TMEM132C: variants seen among roughly 807,000 people sequenced by gnomAD.
The protein encoded by TMEM132C is transmembrane protein 132C, also known as protein phosphatase 1, regulatory subunit 152.
In TMEM132C, 29 loss-of-function variants were observed where a neutral mutation model predicts 61.4. That is an observed-to-expected ratio of 0.47 (90% CI 0.35 to 0.64). The LOEUF (loss-of-function observed/expected upper bound fraction) is 0.64, where lower values mean the gene tolerates loss of function less well. Ranked by LOEUF, TMEM132C falls within the 30% of genes least tolerant of loss-of-function variation. The pLI is 0.00. For synonymous variants in TMEM132C, 656 were observed against 633.1 expected (o/e 1.04, Z -0.54); for missense variants, 1,408 against 1,476.9 (o/e 0.95, Z 0.76).
Position 128,537,159 on chromosome 12 carries a change from C to T in TMEM132C, c.975-6798C>T, listed in dbSNP as rs191983132. ...CAAGGTGGGGTTTTCAGCCCTCTGA[C>T]ATCAAAAGATGAAGCAGAGGACATG... On this transcript the variant is annotated intron_variant, in intron 2 of 8. Transcript: ENST00000435159. Among the ~76,000 whole-genome samples the T allele has an allele frequency of 1.2e-3, 187 of 152,326 alleles. 4 individuals are homozygous for T. Among genetic ancestry groups the T allele is most frequent in the African/African-American group, 4.3e-3 (178 of 41,574 alleles).
At chr12:128,680,172 A>G (rs765042421) in intron 5 of TMEM132C, among the ~76,000 whole-genome samples, 1 of 152,220 alleles carries the variant, frequency 6.6e-6, no homozygotes, top group Non-Finnish European at 1.5e-5. Flanking sequence ...TCAGAGCAAT[A>G]TGACACTGCA....
chr12:128,665,366 AAC>A (rs1437668116), intron 4 of TMEM132C, among the ~76,000 whole-genome samples: 6 of 114,598 alleles, frequency 5.2e-5, no homozygotes, highest in Admixed American at 8.3e-5. Flanking sequence ...CACATACACA[AAC>A]ACAGGTGCAC....
intron 3 of TMEM132C, among the ~76,000 whole-genome samples, chr12:128,548,434 C>T (rs1482328409): frequency 6.6e-6 from 1 of 152,152 alleles, no homozygotes; most frequent in African/African-American, 2.4e-5. Flanking sequence ...TGTATCTGGC[C>T]TCTCCACTTG....
chr12:128,350,403 C>G (rs760126609), intron 1 of TMEM132C, among the ~76,000 whole-genome samples: 3 of 152,014 alleles, frequency 2.0e-5, no homozygotes, highest in Non-Finnish European at 4.4e-5. Context: ...CGGGGCCACC[C>G]CTTAGATGGG....
chr12:128,431,788 C>T (rs545277616), intron 2 of TMEM132C, among the ~76,000 whole-genome samples: 293 of 152,158 alleles, frequency 1.9e-3, no homozygotes, highest in Non-Finnish European at 2.2e-3. Context: ...AACTCCTGAC[C>T]ACAAGTGATT....
chr12:128,569,396 T>C (rs937217643), intron 3 of TMEM132C, among the ~76,000 whole-genome samples: 6 of 152,204 alleles, frequency 3.9e-5, no homozygotes, highest in East Asian at 1.9e-4. Context: ...GTATATTTTT[T>C]ACTCTGCCTT....
Position 128,480,718 on chromosome 12 carries a change from G to A in TMEM132C, c.975-63239G>A, listed in dbSNP as rs558385051. On this transcript the variant is annotated intron_variant, in intron 2 of 8. Transcript: ENST00000435159. ...CAGATTTATCACCCCAATCAGGAGT[G>A]TGACTGTGAGACCTGAACAGCCTCC... Among the ~76,000 whole-genome samples, 10 of 152,132 alleles carry A rather than the reference G, an allele frequency of 6.6e-5. No individual in the cohort carries two copies. In the South Asian group the frequency reaches 2.1e-3, roughly 33 times the overall value.
intron 1 of TMEM132C, among the ~76,000 whole-genome samples, chr12:128,277,306 TTCTGTTTCTCCCAATC>T (rs1870726416): frequency 2.0e-5 from 3 of 152,206 alleles, no homozygotes; most frequent in Admixed American, 2.0e-4. Flanking sequence ...ATTGGACAGT[TTCTGTTTCTCCCAATC>T]TCTTGGCTGC....
intron 4 of TMEM132C, among the ~76,000 whole-genome samples, chr12:128,656,028 C>T (rs1015547108): frequency 5.9e-5 from 9 of 152,158 alleles, no homozygotes; most frequent in African/African-American, 2.2e-4. Context: ...CTTACCTTCT[C>T]ACCATCAGTA....
At chr12:128,542,949 T>C (rs1593093537) in intron 2 of TMEM132C, among the ~76,000 whole-genome samples, 1 of 152,088 alleles carries the variant, frequency 6.6e-6, no homozygotes, top group South Asian at 2.1e-4. Context: ...TTATGCCTTT[T>C]AAAACAGTCC....
Position 128,616,241 on chromosome 12 carries a change from A to G in TMEM132C, c.1211A>G (p.Gln404Arg). 1 of 1,551,800 alleles carries G rather than the reference A, an allele frequency of 6.4e-7. No homozygotes were observed. The highest frequency in any genetic ancestry group is 8.7e-7 in the Non-Finnish European group (1 of 1,147,014). The change falls in exon 4 of 9, where the codon CAG (glutamine) becomes CGG (arginine). Residue 404 changes from glutamine (Q) to arginine (R), a missense_variant. Gln to Arg is a conservative substitution (Grantham distance 43). Coordinates refer to ENST00000435159, the MANE Select transcript of TMEM132C (RefSeq NM_001136103.3). ...SLSGTQPITWQVEYPRKGTTD... is the reference protein window; with the variant it reads ...SLSGTQPITWRVEYPRKGTTD... ...TCAGGGACTCAGCCCATCACGTGGC[A>G]GGTGGAGTACCCACGGAAGGGGACC...
At chr12:128,693,778 T>C in intron 5 of TMEM132C, 51 bp from the exon 6 acceptor site, 1 of 1,542,556 alleles carries the variant, frequency 6.5e-7, no homozygotes, top group South Asian at 1.2e-5. Context: ...AAGGATTGTC[T>C]CCAAGGCTCC....
At chr12:128,373,353 T>C (rs1178049236) in intron 1 of TMEM132C, among the ~76,000 whole-genome samples, 1 of 152,146 alleles carries the variant, frequency 6.6e-6, no homozygotes, top group African/African-American at 2.4e-5. Flanking sequence ...TTGGCCAGAA[T>C]TGGATTGCCT....
At chr12:128,695,757 A>G in intron 6 of TMEM132C, 73 bp from the exon 7 acceptor site, 2 of 1,447,816 alleles carry the variant, frequency 1.4e-6, no homozygotes, top group Non-Finnish European at 1.8e-6. Context: ...GGTTGAGGTG[A>G]GCGCCTGCCT....
chr12:128,311,125 T>A (rs2135926836), intron 1 of TMEM132C, among the ~76,000 whole-genome samples: 1 of 152,398 alleles, frequency 6.6e-6, no homozygotes, highest in Non-Finnish European at 1.5e-5. Flanking sequence ...AATAAGCGTG[T>A]GGCTTGCCAC....
Position 128,324,986 on chromosome 12 carries a change from A to G in TMEM132C, c.85+57499A>G, listed in dbSNP as rs773015406. Among the ~76,000 whole-genome samples, 84 of 152,210 alleles carry G rather than the reference A, an allele frequency of 5.5e-4. 1 individual carries two copies. Among genetic ancestry groups the G allele is most frequent in the Non-Finnish European group, 9.7e-4 (66 of 68,044 alleles). Reference sequence around the variant, plus strand: ...TAAAATTTTATAAACAATCTTACATATAAGTCATGGAAAACATTTTAAGTA... The same window carrying G: ...TAAAATTTTATAAACAATCTTACATGTAAGTCATGGAAAACATTTTAAGTA... On this transcript the variant is annotated intron_variant, in intron 1 of 8. Transcript: ENST00000435159.
chr12:128,636,868 C>T (rs1401647542), intron 4 of TMEM132C, among the ~76,000 whole-genome samples: 5 of 151,998 alleles, frequency 3.3e-5, no homozygotes, highest in Non-Finnish European at 7.4e-5. Flanking sequence ...AGCGTTTTTC[C>T]CTCTGTGCTT....
In TMEM132C at chr12:128,569,450, G is replaced by A. The variant is rs536729890; in HGVS notation, c.1121+25347G>A. On this transcript the variant is annotated intron_variant, in intron 3 of 8. Transcript: ENST00000435159. ...TAAAAGCACTAATGAGCTCTTAAAT[G>A]GTGAAAAAAGAAAAAGTCTTTCACC... Among the ~76,000 whole-genome samples the A allele has an allele frequency of 4.7e-4, 71 of 152,160 alleles. No homozygotes were observed. The South Asian group carries it at 0.014, about 30-fold the overall frequency.
chr12:128,698,472 C>A (rs572506615), intron 8 of TMEM132C, among the ~76,000 whole-genome samples: 1 of 152,322 alleles, frequency 6.6e-6, no homozygotes, highest in African/African-American at 2.4e-5. Context: ...TCCGTTACCA[C>A]CTATGTAACC....
Sources: allele counts gnomAD v4.1 joint callset (sites outside exome capture counted in the v4.1 genomes callset), GRCh38; gene constraint gnomAD v4.1.1; transcripts MANE v1.5; gene names NCBI Gene and HGNC (gene_info 2026-07-23, HGNC 2026-07-21).